TAF1A: variants seen among roughly 807,000 people sequenced by gnomAD.
TAF1A encodes the protein TATA box-binding protein-associated factor RNA polymerase I subunit A.
In TAF1A, 42 loss-of-function variants were observed where a neutral mutation model predicts 61.6. That is an observed-to-expected ratio of 0.68 (90% CI 0.53 to 0.88). TAF1A has a LOEUF of 0.88. Ranked by LOEUF, TAF1A falls within the 40% of genes least tolerant of loss-of-function variation. The probability of loss-of-function intolerance (pLI) is 0.00; values close to 1 mark genes in which losing one functional copy is unlikely to be tolerated. For missense variants in TAF1A, 424 were observed against 518.7 expected (o/e 0.82, Z 1.77); for synonymous variants, 179 against 177.7 (o/e 1.01, Z -0.06).
At chr1:222,577,704 C>A (rs1019562898) in intron 4 of TAF1A, 61 bp from the exon 5 acceptor site, 1 of 1,451,468 alleles carries the variant, frequency 6.9e-7, no homozygotes, top group African/African-American at 1.4e-5. Flanking sequence ...AGTCAAAAAG[C>A]TCAGTAAATA....
intron 7 of TAF1A, among the ~76,000 whole-genome samples, chr1:222,568,566 C>A (rs1003424904): frequency 6.6e-6 from 1 of 152,124 alleles, no homozygotes. Flanking sequence ...ACATGGGACA[C>A]CCACAAGAGG....
At chr1:222,588,609 C>G in intron 1 of TAF1A, 44 bp from the exon 2 acceptor site, 1 of 1,595,680 alleles carries the variant, frequency 6.3e-7, no homozygotes, top group Non-Finnish European at 8.5e-7. Flanking sequence ...ACATCTTAAT[C>G]CACAGTCTTC....
At chr1:222,574,763 G>A (rs1037607904) in intron 5 of TAF1A, among the ~76,000 whole-genome samples, 2 of 152,154 alleles carry the variant, frequency 1.3e-5, no homozygotes, top group Admixed American at 6.5e-5. Flanking sequence ...ACAGCATTCA[G>A]ATATAGGCAA....
At position 222,569,784 on chromosome 1, in the gene TAF1A, G is replaced by T. The variant is rs1660276306; in HGVS notation, c.736-116C>A. ...TTTTAAAAATCACAAAACTGACAGG[G>T]TTCCCATTTTTTCCCTGTATTTTGT... is the stretch of plus-strand genomic sequence containing the variant. On this transcript the variant is annotated intron_variant, in intron 6 of 10. Coordinates refer to ENST00000352967, the MANE Select transcript of TAF1A (RefSeq NM_005681.4). 4.2e-6 allele frequency: 4 copies of T among 957,508 alleles called. No homozygotes were observed. In the South Asian group the frequency reaches 5.8e-5, roughly 14 times the overall value. The allele number at this position is 957,508 out of a possible 1,614,324, so 59.3% of individuals were successfully genotyped here.
rs1019256982 is a variant in TAF1A, at chr1:222,577,353, A to T, written c.604+92T>A. ...AAAGTCTGTTCTCCATAATATCTGG[A>T]TGAAGTCAATAGGGAAATTACTAGA... On this transcript the variant is annotated intron_variant, in intron 5 of 10. Transcript: ENST00000352967. The T allele has an allele frequency of 3.0e-6, 3 of 987,532 alleles. No individual in the cohort carries two copies. The African/African-American group carries it at 4.9e-5, about 16-fold the overall frequency. 61.2% of individuals were successfully genotyped at this position (987,532 alleles called of 1,614,324 possible).
At position 222,588,529 on chromosome 1, in the gene TAF1A, A is replaced by T; in HGVS notation, c.35T>A (p.Val12Glu). 3.7e-6 allele frequency: 6 copies of T among 1,614,112 alleles called. No individual in the cohort carries two copies. Among genetic ancestry groups the T allele is most frequent in the Non-Finnish European group, 5.1e-6 (6 of 1,179,986 alleles). The change falls in exon 2 of 11, where the codon GTG becomes GAG. Residue 12 changes from valine (V) to glutamate (E), a missense_variant. Transcript: ENST00000352967. ...TGTTTCCACTTCTTCATCATCTGTCACAGGCCCTTTTAATTCTTCACTGAA... is the reference window on the plus strand; with the variant it reads ...TGTTTCCACTTCTTCATCATCTGTCTCAGGCCCTTTTAATTCTTCACTGAA... ...SDFSEELKGP[V>E]TDDEEVETSV...
intron 7 of TAF1A, among the ~76,000 whole-genome samples, chr1:222,567,930 G>A (rs1319891683): frequency 6.6e-6 from 1 of 152,132 alleles, no homozygotes; most frequent in African/African-American, 2.4e-5. Flanking sequence ...GTATTGGCAA[G>A]GATGTGGAGA....
At chr1:222,577,187 T>C (rs1427419159) in intron 5 of TAF1A, among the ~76,000 whole-genome samples, 2 of 152,104 alleles carry the variant, frequency 1.3e-5, no homozygotes, top group African/African-American at 4.8e-5. Context: ...TGTCTGGCTG[T>C]GTTTATCCTG....
Position 222,589,864 on chromosome 1 carries a change from C to T in TAF1A, c.-140G>A, listed in dbSNP as rs541565289. ...AAACCTGGTTTAGGTATTTAGGCAG[C>T]GCGCGGCCCGGCTCGTAACTCCTCC... On this transcript the variant is annotated 5_prime_UTR_variant, in exon 1 of 11. Coordinates refer to ENST00000352967, the MANE Select transcript of TAF1A (RefSeq NM_005681.4). 1.3e-5 allele frequency: 5 copies of T among 393,796 alleles called. No homozygotes were observed. The South Asian group carries it at 4.3e-4, about 34-fold the overall frequency. 24.4% of individuals were successfully genotyped at this position (393,796 alleles called of 1,614,324 possible). A position where few individuals can be genotyped will look rare whatever the true frequency, so the allele number is the denominator to read the frequency against.
At chr1:222,557,353 C>G (rs997121926), downstream of TAF1A, among the ~76,000 whole-genome samples, 1 of 152,192 alleles carries the variant, frequency 6.6e-6, no homozygotes, top group Non-Finnish European at 1.5e-5. Context: ...CATGGGTTTA[C>G]TGTGTGACTC....
Position 222,561,527 on chromosome 1 carries a change from GA to G in TAF1A, c.1086-10del. 1 of 1,583,694 alleles carries G rather than the reference GA, an allele frequency of 6.3e-7. No homozygotes were observed. The highest frequency in any genetic ancestry group is 1.2e-5 in the South Asian group (1 of 85,822). On this transcript the variant is annotated splice_polypyrimidine_tract_variant and intron_variant, in intron 9 of 10. Transcript: ENST00000352967. ...CCCACGCAAGGTGGTTTCTGGAAAA[GA>G]AAAATGTCAAAAGAGAGGGTCAATG...
downstream of TAF1A, among the ~76,000 whole-genome samples, chr1:222,554,823 T>C (rs1571785721): frequency 6.6e-6 from 1 of 152,280 alleles, no homozygotes; most frequent in South Asian, 2.1e-4. Flanking sequence ...ATTCTTTTAT[T>C]TCTTTTTATG....
intron 7 of TAF1A, among the ~76,000 whole-genome samples, chr1:222,566,076 CATG>C (rs750405865): frequency 6.6e-6 from 1 of 152,068 alleles, no homozygotes; most frequent in Non-Finnish European, 1.5e-5. Context: ...TCTAAAATGC[CATG>C]ATTAAAAACT....
Position 222,563,167 on chromosome 1 carries a change from T to C in TAF1A, c.1085+6A>G, listed in dbSNP as rs1659981229. On this transcript the variant is annotated splice_donor_region_variant and intron_variant, in intron 9 of 10. Coordinates refer to ENST00000352967, the MANE Select transcript of TAF1A (RefSeq NM_005681.4). ...GACCTAGTAATAAACACTGTATGTT[T>C]CTTACCCCATTAAGATATTTTTCAG... 1.9e-6 allele frequency: 3 copies of C among 1,603,912 alleles called. No individual in the cohort carries two copies. The South Asian group carries it at 3.3e-5, about 18-fold the overall frequency.
At chr1:222,568,296 G>C (rs1378100226) in intron 7 of TAF1A, among the ~76,000 whole-genome samples, 1 of 151,380 alleles carries the variant, frequency 6.6e-6, no homozygotes, top group Non-Finnish European at 1.5e-5. Flanking sequence ...AAAACTAGAA[G>C]TTTCTACTCT....
intron 10 of TAF1A, among the ~76,000 whole-genome samples, chr1:222,559,563 C>T (rs990510956): frequency 6.6e-6 from 1 of 152,136 alleles, no homozygotes; most frequent in African/African-American, 2.4e-5. Flanking sequence ...AATTTCATTA[C>T]AGTTTCAGCT....
Position 222,563,234 on chromosome 1 carries a change from A to T in TAF1A, c.1024T>A (p.Cys342Ser). ...TTCCAAGCAGTTATATTCTTAGTGC[A>T]TCCGGCAAAATCTAAGACTCCAAAT... ...VLFGVLDFAG[C>S]TKNITAWKYL... The change falls in exon 9 of 11, where the codon TGC becomes AGC. Residue 342 changes from cysteine to serine, a missense_variant. Transcript: ENST00000352967. The T allele has an allele frequency of 1.2e-6, 2 of 1,612,794 alleles. No homozygotes were observed. Among genetic ancestry groups the T allele is most frequent in the Non-Finnish European group, 1.7e-6 (2 of 1,179,404 alleles).
chr1:222,574,594 C>T (rs992212186), intron 5 of TAF1A, among the ~76,000 whole-genome samples: 13 of 151,878 alleles, frequency 8.6e-5, no homozygotes, highest in Admixed American at 5.2e-4. Context: ...ACCTAAATGG[C>T]CATCAGTAAT....
intron 7 of TAF1A, among the ~76,000 whole-genome samples, chr1:222,567,916 T>C (rs1357972099): frequency 2.6e-5 from 4 of 152,296 alleles, no homozygotes; most frequent in East Asian, 1.9e-4. Flanking sequence ...ACCTACAATA[T>C]GAAGTATTGG....
Sources: allele counts gnomAD v4.1 joint callset (sites outside exome capture counted in the v4.1 genomes callset), GRCh38; gene constraint gnomAD v4.1.1; transcripts MANE v1.5; gene names NCBI Gene and HGNC (gene_info 2026-07-23, HGNC 2026-07-21).